FAM234A: variants seen among roughly 807,000 people sequenced by gnomAD.
The protein encoded by FAM234A is family with sequence similarity 234 member A.
FAM234A carries 42 observed loss-of-function variants against 49.1 expected under a neutral mutation model. The ratio of observed to expected loss-of-function variants is 0.86; its 90% CI spans 0.67 to 1.11. The LOEUF is 1.11. Ranked by LOEUF, FAM234A falls within the 50% of genes least tolerant of loss-of-function variation. The pLI is 0.00. For synonymous variants in FAM234A, 369 were observed against 316.2 expected, an observed-to-expected ratio of 1.17 and a Z score of -1.77; for missense variants, 815 against 745.2, an observed-to-expected ratio of 1.09 and a Z score of -1.09.
chr16:248,373 A>G (rs1389979372), intron 1 of FAM234A: 3 of 152,090 alleles, frequency 2.0e-5, no homozygotes, highest in Non-Finnish European at 2.9e-5. Context: ...CTGATTTAAC[A>G]TGACAAATCA....
intron 5 of FAM234A, chr16:260,929 T>C (rs1222683598): frequency 6.3e-6 from 2 of 318,780 alleles, no homozygotes; most frequent in Non-Finnish European, 1.2e-5. Context: ...GGAGGGCAGA[T>C]GAAGGGGCCA....
intron 1 of FAM234A, among the ~76,000 whole-genome samples, chr16:244,247 C>T (rs528060421): frequency 2.8e-4 from 42 of 152,338 alleles, no homozygotes; most frequent in African/African-American, 9.4e-4. Flanking sequence ...GGATTACAGG[C>T]GTGAGCCACC....
chr16:239,832 A>C (rs1345074203), intron 1 of FAM234A, among the ~76,000 whole-genome samples: 1 of 152,138 alleles, frequency 6.6e-6, no homozygotes, highest in Admixed American at 6.6e-5. Context: ...TCTGCAAAGG[A>C]AAGGAACTTG....
At chr16:269,155 G>T, downstream of FAM234A, 1 of 944,648 alleles carries the variant, frequency 1.1e-6, no homozygotes, top group South Asian at 1.4e-5. Context: ...GGCACAAGGG[G>T]ACACTGGTGC....
intron 8 of FAM234A, 61 bp downstream of exon 8, chr16:262,614 G>A: frequency 1.3e-6 from 2 of 1,483,990 alleles, no homozygotes. Flanking sequence ...CTGCTCGCCT[G>A]CCTCAGCGTT....
At chr16:266,412 C>T (rs2051694452), downstream of FAM234A, among the ~76,000 whole-genome samples, 2 of 152,208 alleles carry the variant, frequency 1.3e-5, no homozygotes, top group African/African-American at 2.4e-5. Flanking sequence ...CGCGTGACGT[C>T]TGAGGGCTGG....
At chr16:239,509 G>A (rs1292751126) in intron 1 of FAM234A, among the ~76,000 whole-genome samples, 1 of 150,666 alleles carries the variant, frequency 6.6e-6, no homozygotes. Flanking sequence ...CAGCTACTCG[G>A]GAGGCTGAGG....
At chr16:269,053 T>A, downstream of FAM234A, 1 of 1,100,372 alleles carries the variant, frequency 9.1e-7, no homozygotes, top group Non-Finnish European at 1.4e-6. Context: ...ACCCCCTCCC[T>A]GGGAATCCAC....
In FAM234A at chr16:246,297, T is replaced by G. The variant is rs184879166; in HGVS notation, c.-139-3252T>G. On this transcript the variant is annotated intron_variant, in intron 1 of 12. Transcript: ENST00000399932. Reference sequence around the variant, plus strand: ...TTGATTGGTGGATTTTTTTTTTTTTTTGTGACGAGGTCTCACTCTCACCCA... The same window carrying G: ...TTGATTGGTGGATTTTTTTTTTTTTGTGTGACGAGGTCTCACTCTCACCCA... Among the ~76,000 whole-genome samples the G allele has an allele frequency of 4.2e-3, 632 of 150,568 alleles. 4 individuals are homozygous for G. The highest frequency in any genetic ancestry group is 0.013 in the African/African-American group (539 of 41,224).
chr16:249,010 T>C (rs182728493), intron 1 of FAM234A, among the ~76,000 whole-genome samples: 2 of 152,078 alleles, frequency 1.3e-5, no homozygotes, highest in Admixed American at 1.3e-4. Flanking sequence ...GGTCCTTTGG[T>C]CATAGCTTAC....
At chr16:262,776 C>T (rs954931715) in intron 8 of FAM234A, among the ~76,000 whole-genome samples, 6 of 150,562 alleles carry the variant, frequency 4.0e-5, no homozygotes, top group South Asian at 2.1e-4. Context: ...TCTGTCTCCA[C>T]GGAAAGTGGG....
chr16:254,180 A>T (rs1227067726), intron 2 of FAM234A: 1 of 558,790 alleles, frequency 1.8e-6, no homozygotes, highest in African/African-American at 1.9e-5. Flanking sequence ...TCGCCTTTCC[A>T]CACTAATTAG....
chr16:258,923 C>T (rs1360281066), intron 3 of FAM234A, among the ~76,000 whole-genome samples: 1 of 152,176 alleles, frequency 6.6e-6, no homozygotes, highest in African/African-American at 2.4e-5. Context: ...GCTGGGACTA[C>T]AGGCACGTGC....
At chr16:241,898 A>G (rs1486101125) in intron 1 of FAM234A, among the ~76,000 whole-genome samples, 1 of 144,604 alleles carries the variant, frequency 6.9e-6, no homozygotes, top group Non-Finnish European at 1.5e-5. Flanking sequence ...AGAGCGAGAC[A>G]ACGTCTCAAA....
In FAM234A at chr16:258,692, A is replaced by G. The variant is rs1292243356; in HGVS notation, c.269-791A>G. Among the ~76,000 whole-genome samples, 17 of 152,158 alleles carry G rather than the reference A, an allele frequency of 1.1e-4. 1 individual carries two copies. The highest frequency in any genetic ancestry group is 1.0e-3 in the Admixed American group (16 of 15,278). ...GGGTACACCTCCCAGACGGGGTGGT[A>G]GCCGGGCAGAGGGGCTCCTCACTTC... On this transcript the variant is annotated intron_variant, in intron 3 of 12. Transcript: ENST00000399932.
chr16:269,698 G>C (rs190176348), downstream of FAM234A: 24 of 843,952 alleles, frequency 2.8e-5, no homozygotes, highest in Non-Finnish European at 4.1e-5. Context: ...CAGAGTCTCC[G>C]GCGGACAGGG....
At chr16:250,389 T>C (rs55857387) in intron 2 of FAM234A, among the ~76,000 whole-genome samples, 36,293 of 149,578 alleles carry the variant, frequency 0.24, 4,726 homozygotes, top group East Asian at 0.44. Context: ...GCTTTTTCCC[T>C]AGTTACCTTT....
chr16:269,492 C>G, downstream of FAM234A: 2 of 1,612,510 alleles, frequency 1.2e-6, no homozygotes, highest in Non-Finnish European at 1.7e-6. Flanking sequence ...CAGGGCACTG[C>G]CTGGGCTCAC....
chr16:247,381 G>A (rs763745178), intron 1 of FAM234A, among the ~76,000 whole-genome samples: 2 of 151,454 alleles, frequency 1.3e-5, no homozygotes, highest in Non-Finnish European at 2.9e-5. Flanking sequence ...CATGCGCCTC[G>A]GCCTGGCAAA....
Sources: allele counts gnomAD v4.1 joint callset (sites outside exome capture counted in the v4.1 genomes callset), GRCh38; gene constraint gnomAD v4.1.1; transcripts MANE v1.5; gene names NCBI Gene and HGNC (gene_info 2026-07-23, HGNC 2026-07-21).